Variants in ADAMTS12 observed in about 807,000 individuals in gnomAD.
ADAMTS12 encodes the protein ADAM metallopeptidase with thrombospondin type 1 motif 12.
Under a neutral mutation model 167.8 loss-of-function variants are expected in ADAMTS12, and 118 were observed. That is an observed-to-expected ratio of 0.70 (90% CI 0.61 to 0.82). ADAMTS12 has a LOEUF of 0.82. Among genes scored for constraint, ADAMTS12 ranks in the 40% least tolerant of loss-of-function variants. The pLI, the probability that ADAMTS12 is intolerant of heterozygous loss-of-function variation, is 0.00. For synonymous variants in ADAMTS12, 704 were observed against 716.9 expected (o/e 0.98, Z 0.29); for missense variants, 1,916 against 1,998.8 (o/e 0.96, Z 0.79).
At chr5:33,889,012 G>C (rs888022271) in intron 1 of ADAMTS12, among the ~76,000 whole-genome samples, 1 of 152,144 alleles carries the variant, frequency 6.6e-6, no homozygotes, top group Non-Finnish European at 1.5e-5. Context: ...GAACCTAAAA[G>C]GTAATGTAGT....
chr5:33,639,049 T>C (rs1308865344), intron 11 of ADAMTS12, among the ~76,000 whole-genome samples: 1 of 152,206 alleles, frequency 6.6e-6, no homozygotes, highest in East Asian at 1.9e-4. Flanking sequence ...TTTTGTTAGA[T>C]GGATCTGAAT....
At chr5:33,647,951 C>T (rs1267715150) in intron 9 of ADAMTS12, among the ~76,000 whole-genome samples, 1 of 152,228 alleles carries the variant, frequency 6.6e-6, no homozygotes. Flanking sequence ...GCCTCCTCCA[C>T]CATGAGCTCC....
At chr5:33,675,470 T>G (rs1301890846) in intron 5 of ADAMTS12, among the ~76,000 whole-genome samples, 1 of 152,188 alleles carries the variant, frequency 6.6e-6, no homozygotes, top group African/African-American at 2.4e-5. Flanking sequence ...ACCTGAGAGA[T>G]AGTCATTGAT....
chr5:33,524,876 G>A lies in ADAMTS12; in HGVS notation c.*2312C>T, dbSNP rs1449613109. 1 of 152,206 alleles carries A rather than the reference G, an allele frequency of 6.6e-6. No individual in the cohort carries two copies. Among genetic ancestry groups the A allele is most frequent in the Non-Finnish European group, 1.5e-5 (1 of 68,044 alleles). 9.4% of individuals were successfully genotyped at this position (152,206 alleles called of 1,614,324 possible). A position where few individuals can be genotyped will look rare whatever the true frequency, so the allele number is the denominator to read the frequency against. The stretch of plus-strand genomic sequence containing the variant: ...AAAAAGACCTAGAATGGAGCACCTG[G>A]CCAAACTCTCTCCACATGTCTACCA... On this transcript the variant is annotated 3_prime_UTR_variant, in exon 24 of 24. Transcript: ENST00000504830.
intron 11 of ADAMTS12, among the ~76,000 whole-genome samples, chr5:33,640,824 G>A (rs891138368): frequency 4.7e-5 from 7 of 149,280 alleles, no homozygotes. Context: ...TATATATAGT[G>A]TATATATGTA....
intron 2 of ADAMTS12, among the ~76,000 whole-genome samples, chr5:33,809,545 A>G (rs975814366): frequency 1.3e-5 from 2 of 152,006 alleles, no homozygotes; most frequent in Non-Finnish European, 2.9e-5. Context: ...TATTTATTCG[A>G]CTTGGGATGA....
intron 16 of ADAMTS12, among the ~76,000 whole-genome samples, chr5:33,609,917 T>C (rs62351144): frequency 0.26 from 40,034 of 152,156 alleles, 5,998 homozygotes; most frequent in Non-Finnish European, 0.34. Context: ...TGGTGGCTCA[T>C]GCCTGTAATT....
intron 17 of ADAMTS12, among the ~76,000 whole-genome samples, chr5:33,589,445 G>A (rs1160968615): frequency 2.0e-5 from 3 of 152,042 alleles, no homozygotes; most frequent in Non-Finnish European, 4.4e-5. Context: ...CAGTCTACTT[G>A]TTAATATTCT....
At chr5:33,827,108 A>G (rs891871124) in intron 2 of ADAMTS12, among the ~76,000 whole-genome samples, 1 of 151,552 alleles carries the variant, frequency 6.6e-6, no homozygotes, top group African/African-American at 2.4e-5. Context: ...TTCTCAGCCC[A>G]TTAGGGGTCT....
chr5:33,602,972 C>T (rs1738262346), intron 16 of ADAMTS12, among the ~76,000 whole-genome samples: 1 of 152,160 alleles, frequency 6.6e-6, no homozygotes, highest in Non-Finnish European at 1.5e-5. Context: ...GGGAGAATGA[C>T]TTAACTCCAG....
At position 33,545,796 on chromosome 5, in the gene ADAMTS12, G is replaced by A. The variant is rs146969338; in HGVS notation, c.4446+263C>T. On this transcript the variant is annotated intron_variant, in intron 22 of 23. Coordinates refer to ENST00000504830, the MANE Select transcript of ADAMTS12 (RefSeq NM_030955.4). ...AAACACTGCATGTTCTCACTCATAG[G>A]TGGGAACTGAACAATGAGAACCCTT... Among the ~76,000 whole-genome samples, 1,171 of 150,626 alleles carry A rather than the reference G, an allele frequency of 7.8e-3. 20 individuals are homozygous for A. Among genetic ancestry groups the A allele is most frequent in the African/African-American group, 0.028 (1,137 of 40,934 alleles).
At chr5:33,690,848 C>T (rs1248172258) in intron 3 of ADAMTS12, among the ~76,000 whole-genome samples, 1 of 152,030 alleles carries the variant, frequency 6.6e-6, no homozygotes, top group Non-Finnish European at 1.5e-5. Flanking sequence ...TTTTCCGTTC[C>T]GCACTCTCTG....
intron 3 of ADAMTS12, among the ~76,000 whole-genome samples, chr5:33,726,647 T>C (rs1036606743): frequency 3.3e-5 from 5 of 150,868 alleles, no homozygotes; most frequent in African/African-American, 1.2e-4. Flanking sequence ...CCATCTGTGA[T>C]TGGTTGAAGT....
chr5:33,542,100 A>T (rs572165380), intron 22 of ADAMTS12, among the ~76,000 whole-genome samples: 2 of 152,204 alleles, frequency 1.3e-5, no homozygotes, highest in South Asian at 4.2e-4. Context: ...CCCATCTCAC[A>T]TGCAGAGAAA....
chr5:33,612,017 T>C (rs1738751033), intron 16 of ADAMTS12, among the ~76,000 whole-genome samples: 2 of 152,222 alleles, frequency 1.3e-5, no homozygotes, highest in Non-Finnish European at 2.9e-5. Context: ...AAAATAAAAA[T>C]CCATCACTGA....
At chr5:33,690,886 A>G (rs1313958589) in intron 3 of ADAMTS12, among the ~76,000 whole-genome samples, 1 of 152,202 alleles carries the variant, frequency 6.6e-6, no homozygotes. Context: ...CATTTCTCAC[A>G]ATGAAGACCA....
chr5:33,712,875 C>G (rs1188234669), intron 3 of ADAMTS12, among the ~76,000 whole-genome samples: 1 of 151,972 alleles, frequency 6.6e-6, no homozygotes, highest in Non-Finnish European at 1.5e-5. Context: ...GCAAAGTTGC[C>G]TGTAAAAAAA....
chr5:33,710,149 A>G (rs564697090), intron 3 of ADAMTS12, among the ~76,000 whole-genome samples: 1 of 152,338 alleles, frequency 6.6e-6, no homozygotes, highest in South Asian at 2.1e-4. Flanking sequence ...GTTGTGTTAT[A>G]TGGGAGGAAT....
intron 3 of ADAMTS12, among the ~76,000 whole-genome samples, chr5:33,714,894 G>A (rs918008421): frequency 2.0e-5 from 3 of 151,972 alleles, no homozygotes; most frequent in Admixed American, 6.6e-5. Flanking sequence ...GCATAGTTTG[G>A]TGACTACAGT....
Sources: gnomAD v4.1 joint callset for allele counts (sites outside exome capture counted in the v4.1 genomes callset) on GRCh38, gnomAD v4.1.1 for gene constraint, MANE v1.5 for transcripts, NCBI Gene and HGNC (gene_info 2026-07-23, HGNC 2026-07-21) for gene names.